The following SYN2 variants were observed in gnomAD, a reference collection of about 807,000 sequenced individuals.
SYN2 encodes synapsin II.
In SYN2, 19 loss-of-function variants were observed where a neutral mutation model predicts 50.9. The observed-to-expected ratio is 0.37, with a 90% confidence interval of 0.26 to 0.55. The LOEUF (loss-of-function observed/expected upper bound fraction) is 0.55. Among genes scored for constraint, SYN2 ranks in the 20% least tolerant of loss-of-function variants. SYN2 has a pLI of 0.81. For missense variants in SYN2, 587 were observed against 576.4 expected (o/e 1.02, Z -0.19); for synonymous variants, 255 against 224.9 (o/e 1.13, Z -1.20).
chr3:12,057,287 C>CTGTGTG (rs59286785), intron 1 of SYN2, among the ~76,000 whole-genome samples: 3,142 of 133,904 alleles, frequency 0.023, 72 homozygotes, highest in African/African-American at 0.051. Context: ...GCAAGACTGT[C>CTGTGTG]TGTGTGTGTG....
chr3:12,105,085 G>C (rs1696157262), intron 1 of SYN2, among the ~76,000 whole-genome samples: 1 of 152,138 alleles, frequency 6.6e-6, no homozygotes, highest in Non-Finnish European at 1.5e-5. Context: ...GCCATGAGTT[G>C]AGAGGGAACT....
At chr3:12,168,583 C>T (rs192670685) in intron 9 of SYN2, 105 bp downstream of exon 9, 13 of 951,984 alleles carry the variant, frequency 1.4e-5, no homozygotes, top group Middle Eastern at 2.1e-4. Flanking sequence ...GGAAATGTTC[C>T]AGCAAGATCA....
chr3:12,121,996 A>C (rs942968348), intron 1 of SYN2, among the ~76,000 whole-genome samples: 2 of 152,160 alleles, frequency 1.3e-5, no homozygotes, highest in African/African-American at 4.8e-5. Context: ...TCAGGCCTTG[A>C]ACCGATTAGC....
At chr3:12,046,967 T>C (rs1448991836) in intron 1 of SYN2, among the ~76,000 whole-genome samples, 1 of 147,948 alleles carries the variant, frequency 6.8e-6, no homozygotes, top group African/African-American at 2.6e-5. Flanking sequence ...ATAAAGAGAA[T>C]GATTATGGGA....
intron 10 of SYN2, among the ~76,000 whole-genome samples, chr3:12,172,070 C>G (rs1697949443): frequency 6.6e-6 from 1 of 152,174 alleles, no homozygotes; most frequent in South Asian, 2.1e-4. Context: ...TTGAGCTTTT[C>G]TTTGCTCAAC....
intron 1 of SYN2, among the ~76,000 whole-genome samples, chr3:12,054,830 G>A (rs944088965): frequency 6.6e-6 from 1 of 152,030 alleles, no homozygotes; most frequent in Non-Finnish European, 1.5e-5. Context: ...TGAGAAATTA[G>A]ATATTCAAAA....
At chr3:12,156,510 C>G (rs1209819832) in intron 5 of SYN2, among the ~76,000 whole-genome samples, 1 of 152,156 alleles carries the variant, frequency 6.6e-6, no homozygotes, top group African/African-American at 2.4e-5. Flanking sequence ...CTCAAGTTGC[C>G]AAAAATCTTA....
At chr3:12,058,090 C>A (rs191243152) in intron 1 of SYN2, among the ~76,000 whole-genome samples, 1 of 152,258 alleles carries the variant, frequency 6.6e-6, no homozygotes, top group African/African-American at 2.4e-5. Context: ...ATATTTATTT[C>A]TTCACTTTAA....
At chr3:12,119,280 T>A (rs185809881) in intron 1 of SYN2, among the ~76,000 whole-genome samples, 121 of 152,338 alleles carry the variant, frequency 7.9e-4, no homozygotes, top group Non-Finnish European at 1.2e-3. Flanking sequence ...TAGTGCTGCC[T>A]GAACTATGCC....
At chr3:12,076,085 G>A (rs1695461624) in intron 1 of SYN2, among the ~76,000 whole-genome samples, 1 of 152,132 alleles carries the variant, frequency 6.6e-6, no homozygotes, top group South Asian at 2.1e-4. Flanking sequence ...AAGTCACATA[G>A]CTAGTAAGTT....
intron 1 of SYN2, among the ~76,000 whole-genome samples, chr3:12,069,907 G>C (rs1458480775): frequency 6.6e-6 from 1 of 150,872 alleles, no homozygotes; most frequent in Non-Finnish European, 1.5e-5. Context: ...CCCAGGCTCA[G>C]TCAATCCTCC....
rs754081178 is a variant in SYN2 at position 12,168,351 on chromosome 3, C to G, written c.1056-25C>G. On this transcript the variant is annotated intron_variant, in intron 8 of 12. Coordinates refer to ENST00000621198, the MANE Select transcript of SYN2 (RefSeq NM_133625.6). The stretch of plus-strand genomic sequence containing the variant: ...TGTGGTGAGCGAATTGCCCCAGCTT[C>G]AGGACACCTTCCCATCACCTCCAGG... 9.4e-6 allele frequency: 15 copies of G among 1,603,016 alleles called. No individual in the cohort carries two copies. The South Asian group carries it at 1.3e-4, about 14-fold the overall frequency.
At chr3:12,012,446 C>T (rs188062204) in intron 1 of SYN2, among the ~76,000 whole-genome samples, 3 of 152,284 alleles carry the variant, frequency 2.0e-5, no homozygotes, top group African/African-American at 4.8e-5. Flanking sequence ...AAAGCATTCA[C>T]GGATCTTAGA....
intron 1 of SYN2, among the ~76,000 whole-genome samples, chr3:12,111,212 A>G (rs911418195): frequency 1.3e-5 from 2 of 152,016 alleles, no homozygotes. Flanking sequence ...TAAAAAGGAG[A>G]GTTCCCCTGC....
intron 5 of SYN2, chr3:12,158,959 C>G: frequency 7.3e-7 from 1 of 1,368,870 alleles, no homozygotes; most frequent in South Asian, 1.6e-5. Flanking sequence ...CCCTAAGGGC[C>G]AATCCCGCCC....
chr3:12,123,227 A>G (rs375932947), intron 1 of SYN2, among the ~76,000 whole-genome samples: 1 of 152,366 alleles, frequency 6.6e-6, no homozygotes, highest in African/African-American at 2.4e-5. Context: ...GATAAAAGAC[A>G]TCAATTGGGA....
intron 1 of SYN2, among the ~76,000 whole-genome samples, chr3:12,101,554 G>C (rs1222436457): frequency 6.6e-6 from 1 of 152,158 alleles, no homozygotes; most frequent in African/African-American, 2.4e-5. Flanking sequence ...TCTAGAATTA[G>C]ATAGTGGTGA....
At chr3:12,062,032 A>G (rs1342350146) in intron 1 of SYN2, among the ~76,000 whole-genome samples, 1 of 152,040 alleles carries the variant, frequency 6.6e-6, no homozygotes, top group Non-Finnish European at 1.5e-5. Context: ...TCTGAAGTTT[A>G]TATGGAAAGC....
intron 12 of SYN2, among the ~76,000 whole-genome samples, chr3:12,188,718 G>A (rs893937995): frequency 3.3e-5 from 5 of 152,044 alleles, no homozygotes; most frequent in African/African-American, 1.2e-4. Flanking sequence ...TTCCAGTCCC[G>A]TGTGATGGGA....
Sources: gnomAD v4.1 joint callset for allele counts (sites outside exome capture counted in the v4.1 genomes callset) on GRCh38, gnomAD v4.1.1 for gene constraint, MANE v1.5 for transcripts, NCBI Gene and HGNC (gene_info 2026-07-23, HGNC 2026-07-21) for gene names.